ADAMTSL1: variants seen among roughly 807,000 people sequenced by gnomAD.
ADAMTSL1 encodes the protein ADAMTS-like protein 1.
In ADAMTSL1, 126 loss-of-function variants were observed where a neutral mutation model predicts 201.8. That is an observed-to-expected ratio of 0.62 (90% CI 0.54 to 0.72). The LOEUF is 0.72. Among genes scored for constraint, ADAMTSL1 ranks in the 30% least tolerant of loss-of-function variants. The pLI is 0.00. For synonymous variants in ADAMTSL1, 1,121 were observed against 903.4 expected, an observed-to-expected ratio of 1.24 and a Z score of -4.32; for missense variants, 2,679 against 2,277.8, an observed-to-expected ratio of 1.18 and a Z score of -3.59.
At chr9:18,085,621 A>T in intron 1 of ADAMTSL1, among the ~76,000 whole-genome samples, 1 of 150,682 alleles carries the variant, frequency 6.6e-6, no homozygotes, top group East Asian at 2.0e-4. Flanking sequence ...GTGTATACGT[A>T]TATACACTGT....
intron 23 of ADAMTSL1, among the ~76,000 whole-genome samples, chr9:18,855,869 T>G (rs887598535): frequency 6.6e-6 from 1 of 152,142 alleles, no homozygotes; most frequent in Non-Finnish European, 1.5e-5. Flanking sequence ...TCAAGAGAGA[T>G]AAACCAGCAC....
chr9:18,059,493 G>A (rs1490286321), intron 1 of ADAMTSL1, among the ~76,000 whole-genome samples: 2 of 152,152 alleles, frequency 1.3e-5, no homozygotes, highest in African/African-American at 4.8e-5. Flanking sequence ...ACACTTTGGT[G>A]TATATGATCT....
At chr9:18,652,672 T>A (rs528672413) in intron 7 of ADAMTSL1, among the ~76,000 whole-genome samples, 1 of 152,320 alleles carries the variant, frequency 6.6e-6, no homozygotes, top group South Asian at 2.1e-4. Flanking sequence ...ACATTTAAGG[T>A]AGGTGTGGGG....
chr9:18,041,023 T>A (rs373902658), intron 1 of ADAMTSL1, among the ~76,000 whole-genome samples: 49 of 152,336 alleles, frequency 3.2e-4, no homozygotes, highest in African/African-American at 1.2e-3. Flanking sequence ...TGCTTATTGA[T>A]ATTTACCATC....
intron 1 of ADAMTSL1, among the ~76,000 whole-genome samples, chr9:17,974,713 C>T (rs764545928): frequency 6.6e-5 from 10 of 151,862 alleles, no homozygotes; most frequent in Non-Finnish European, 1.2e-4. Flanking sequence ...TTGTTAAGGC[C>T]GAGTAATGTT....
chr9:18,394,588 T>C (rs1817675341), intron 2 of ADAMTSL1, among the ~76,000 whole-genome samples: 1 of 152,238 alleles, frequency 6.6e-6, no homozygotes, highest in Admixed American at 6.5e-5. Context: ...AGCTCATTCT[T>C]GTATTCCCAA....
At position 18,229,986 on chromosome 9, in the gene ADAMTSL1, C is replaced by T. The variant is rs150898030; in HGVS notation, c.207+66005C>T. Among the ~76,000 whole-genome samples the T allele has an allele frequency of 4.9e-3, 744 of 152,218 alleles. 6 individuals are homozygous for T. The highest frequency in any genetic ancestry group is 0.016 in the African/African-American group (677 of 41,526). ...TGCTAGGATTACAGGTGTGTGCCAC[C>T]GCACCCAGCCATTTAACCAAAATTT... On this transcript the variant is annotated intron_variant, in intron 2 of 29. Transcript: ENST00000680146.
chr9:18,529,006 G>A (rs1427434669), intron 2 of ADAMTSL1, among the ~76,000 whole-genome samples: 1 of 152,078 alleles, frequency 6.6e-6, no homozygotes, highest in African/African-American at 2.4e-5. Context: ...ATTTTTTACT[G>A]CTTAATTCTC....
intron 20 of ADAMTSL1, among the ~76,000 whole-genome samples, chr9:18,814,152 G>C (rs571640068): frequency 1.1e-4 from 17 of 152,288 alleles, no homozygotes; most frequent in Admixed American, 1.1e-3. Context: ...TGAGCATATA[G>C]TTTTTGTCCT....
At chr9:18,712,704 A>G (rs1165722355) in intron 14 of ADAMTSL1, among the ~76,000 whole-genome samples, 1 of 151,834 alleles carries the variant, frequency 6.6e-6, no homozygotes, top group African/African-American at 2.4e-5. Context: ...AACTTCCCCA[A>G]TTTAGCAAGG....
intron 1 of ADAMTSL1, among the ~76,000 whole-genome samples, chr9:17,973,065 C>T (rs200267953): frequency 0.74 from 63,817 of 85,870 alleles, 24,350 homozygotes; most frequent in East Asian, 0.89. Context: ...TGGATATTAA[C>T]CCTTTGTCAG....
chr9:18,435,802 T>G (rs776615028), intron 2 of ADAMTSL1, among the ~76,000 whole-genome samples: 1 of 151,998 alleles, frequency 6.6e-6, no homozygotes, highest in Admixed American at 6.5e-5. Flanking sequence ...ACAGAGAAAC[T>G]CCCAGTTTTA....
chr9:18,121,831 T>C (rs1365981131), intron 1 of ADAMTSL1, among the ~76,000 whole-genome samples: 1 of 152,132 alleles, frequency 6.6e-6, no homozygotes, highest in Non-Finnish European at 1.5e-5. Context: ...ACTTGTATAC[T>C]ACCAAACTGA....
chr9:18,553,533 A>G (rs938627459), intron 3 of ADAMTSL1, among the ~76,000 whole-genome samples: 3 of 151,742 alleles, frequency 2.0e-5, no homozygotes, highest in African/African-American at 4.8e-5. Context: ...TTTTTCTCAG[A>G]TCATAGATCT....
chr9:18,533,402 G>A (rs1819560714), intron 3 of ADAMTSL1, 110 bp downstream of exon 3: 3 of 807,178 alleles, frequency 3.7e-6, no homozygotes, highest in Non-Finnish European at 5.8e-6. Context: ...TTCACTGAGA[G>A]TTTTTATCTC....
chr9:18,703,805 A>T (rs1037471789), intron 13 of ADAMTSL1, among the ~76,000 whole-genome samples: 4 of 147,744 alleles, frequency 2.7e-5, no homozygotes, highest in Non-Finnish European at 6.0e-5. Context: ...GCTTCAGTAG[A>T]ATGGCCTTTC....
chr9:18,446,819 C>G (rs186603236), intron 2 of ADAMTSL1, among the ~76,000 whole-genome samples: 1 of 152,166 alleles, frequency 6.6e-6, no homozygotes, highest in African/African-American at 2.4e-5. Context: ...ATTAGGCCTA[C>G]CTTGGACCAT....
rs759493077 is a variant in ADAMTSL1 at position 18,795,542 on chromosome 9, G to A, written c.3805+18G>A. 7 of 1,595,178 alleles carry A rather than the reference G, an allele frequency of 4.4e-6. No individual in the cohort carries two copies. Among genetic ancestry groups the A allele is most frequent in the Non-Finnish European group, 6.0e-6 (7 of 1,169,920 alleles). On this transcript the variant is annotated intron_variant, in intron 20 of 28. Transcript: ENST00000380548. ...ATTAGCAGGTAACCCAAAAATCCCT[G>A]TTCTGTTCATTTCATAAACCTTTAT...
intron 4 of ADAMTSL1, among the ~76,000 whole-genome samples, chr9:18,618,644 T>G (rs994794349): frequency 4.6e-5 from 7 of 151,926 alleles, no homozygotes; most frequent in South Asian, 2.1e-4. Flanking sequence ...CTTTCTCTCT[T>G]TCTGCTCTGC....
Sources: allele counts gnomAD v4.1 joint callset (sites outside exome capture counted in the v4.1 genomes callset), GRCh38; gene constraint gnomAD v4.1.1; transcripts MANE v1.5; gene names NCBI Gene and HGNC (gene_info 2026-07-23, HGNC 2026-07-21).